PPP2R3A: variants seen among roughly 807,000 people sequenced by gnomAD.
The protein encoded by PPP2R3A is protein phosphatase 2 regulatory subunit B''alpha, also known as serine/threonine-protein phosphatase 2A regulatory subunit B'' subunit alpha.
A neutral mutation model predicts 106.9 loss-of-function variants in PPP2R3A; 80 were observed. The observed-to-expected ratio is 0.75, with a 90% CI of 0.62 to 0.90. PPP2R3A has a LOEUF of 0.90. Among genes scored for constraint, PPP2R3A ranks in the 40% least tolerant of loss-of-function variants. The pLI, the probability that PPP2R3A is intolerant of heterozygous loss-of-function variation, is 0.00. For missense variants in PPP2R3A, 1,386 were observed against 1,350.4 expected, an observed-to-expected ratio of 1.03 and a Z score of -0.41; for synonymous variants, 483 against 468.3, an observed-to-expected ratio of 1.03 and a Z score of -0.41.
At chr3:136,100,768 C>G (rs1043835610) in intron 10 of PPP2R3A, among the ~76,000 whole-genome samples, 2 of 152,014 alleles carry the variant, frequency 1.3e-5, no homozygotes, top group African/African-American at 4.8e-5. Flanking sequence ...GAGTTCAAGG[C>G]TGCAGTGAGC....
chr3:136,108,566 T>TAAAAGAA (rs919562528), intron 13 of PPP2R3A, among the ~76,000 whole-genome samples: 3 of 151,920 alleles, frequency 2.0e-5, no homozygotes, highest in Non-Finnish European at 4.4e-5. Flanking sequence ...TTTTTTGAAA[T>TAAAAGAA]AAAAGAAAAC....
chr3:136,048,094 C>T (rs1194358208), intron 4 of PPP2R3A, among the ~76,000 whole-genome samples: 3 of 151,568 alleles, frequency 2.0e-5, no homozygotes, highest in Admixed American at 6.6e-5. Flanking sequence ...ACCCCTGTAC[C>T]TATAATAAAA....
At chr3:136,087,771 A>C in intron 8 of PPP2R3A, 112 bp from the exon 9 acceptor site, 2 of 661,894 alleles carry the variant, frequency 3.0e-6, no homozygotes, top group South Asian at 4.1e-5. Flanking sequence ...CTCATCATGG[A>C]CGATGGTTAC....
Position 136,106,304 on chromosome 3 carries a change from A to C in PPP2R3A, c.3311A>C (p.Gln1104Pro). ...YETLVAEESAQAQFQEGFEDY... is the reference protein window; with the variant it reads ...YETLVAEESAPAQFQEGFEDY... ...ACGCTTGTTGCAGAGGAATCTGCCC[A>C]AGCACAATTCCAGGAAGGGTGAGTA... The change falls in exon 13 of 14, where the codon CAA (glutamine) becomes CCA (proline). Residue 1104 changes from glutamine (Q) to proline (P), a missense_variant. Gln to Pro is a moderately conservative substitution (Grantham distance 76). Coordinates refer to ENST00000264977, the MANE Select transcript of PPP2R3A (RefSeq NM_002718.5). 2 of 1,614,038 alleles carry C rather than the reference A, an allele frequency of 1.2e-6. No individual in the cohort carries two copies. The highest frequency in any genetic ancestry group is 1.7e-6 in the Non-Finnish European group (2 of 1,179,936).
intron 13 of PPP2R3A, among the ~76,000 whole-genome samples, chr3:136,107,629 ATAT>A (rs1937539789): frequency 6.6e-6 from 1 of 152,010 alleles, no homozygotes; most frequent in Non-Finnish European, 1.5e-5. Context: ...CATTCATTAA[ATAT>A]TATCTTTTTT....
chr3:136,101,876 A>G, intron 10 of PPP2R3A, 131 bp from the exon 11 acceptor site: 2 of 1,020,808 alleles, frequency 2.0e-6, no homozygotes, highest in Non-Finnish European at 2.7e-6. Flanking sequence ...TTCTCTAACA[A>G]ACTTTGTAAA....
intron 10 of PPP2R3A, among the ~76,000 whole-genome samples, chr3:136,092,916 A>G (rs1176844369): frequency 6.6e-6 from 1 of 152,160 alleles, no homozygotes; most frequent in Non-Finnish European, 1.5e-5. Context: ...TACCAACCTT[A>G]CCTTTGGACC....
chr3:135,996,765 C>G (rs1248531608), intron 1 of PPP2R3A, among the ~76,000 whole-genome samples: 1 of 152,178 alleles, frequency 6.6e-6, no homozygotes, highest in Non-Finnish European at 1.5e-5. Flanking sequence ...TTTGCCTGTT[C>G]CTAATCAGAT....
intron 5 of PPP2R3A, among the ~76,000 whole-genome samples, chr3:136,065,946 A>G (rs992262249): frequency 8.5e-5 from 13 of 152,214 alleles, no homozygotes; most frequent in African/African-American, 3.1e-4. Flanking sequence ...AAGTGCTGGA[A>G]TTGCAGGTGA....
chr3:136,050,726 G>T (rs545247203), intron 5 of PPP2R3A, among the ~76,000 whole-genome samples: 1 of 152,076 alleles, frequency 6.6e-6, no homozygotes, highest in African/African-American at 2.4e-5. Flanking sequence ...GACACTAAGA[G>T]GTCTTCTACT....
In PPP2R3A at chr3:136,115,822, T is replaced by G. The variant is rs920778302; in HGVS notation, c.3329+9500T>G. ...ATGGAACCAAGTTGGAAAACACTCT[T>G]CAGGATATTATCCAGGAGAACTTTC... On this transcript the variant is annotated intron_variant, in intron 13 of 13. Transcript: ENST00000264977. Among the ~76,000 whole-genome samples the G allele has an allele frequency of 2.6e-5, 4 of 152,078 alleles. No individual in the cohort carries two copies. In the East Asian group the frequency reaches 5.8e-4, roughly 22 times the overall value.
At chr3:136,088,017 T>C in intron 9 of PPP2R3A, 86 bp downstream of exon 9, 9 of 1,186,458 alleles carry the variant, frequency 7.6e-6, no homozygotes, top group Admixed American at 3.8e-5. Context: ...CCTGAATAAT[T>C]TGGCAGTGCT....
chr3:136,110,357 C>G (rs1234614644), intron 13 of PPP2R3A, among the ~76,000 whole-genome samples: 1 of 151,932 alleles, frequency 6.6e-6, no homozygotes. Context: ...TATCACACTC[C>G]TAAACCAACA....
intron 7 of PPP2R3A, chr3:136,079,244 T>C: frequency 2.2e-6 from 1 of 446,806 alleles, no homozygotes; most frequent in Non-Finnish European, 4.5e-6. Flanking sequence ...TCAGTGTTGA[T>C]ATTTATTGAA....
Position 136,092,331 on chromosome 3 carries a change from C to A in PPP2R3A, c.2927+1664C>A, listed in dbSNP as rs113665580. Among the ~76,000 whole-genome samples the A allele has an allele frequency of 7.4e-3, 1,128 of 151,738 alleles. 21 individuals carry two copies. The highest frequency in any genetic ancestry group is 0.025 in the African/African-American group (1,021 of 41,374). On this transcript the variant is annotated intron_variant, in intron 10 of 13. Transcript: ENST00000264977. ...GGTGACAAGAGCAAAACTCCATCACCAAAAAAATATATATATTAAAGATCT... is the reference window on the plus strand; with the variant it reads ...GGTGACAAGAGCAAAACTCCATCACAAAAAAAATATATATATTAAAGATCT...
rs1576466982 is a variant in PPP2R3A at position 136,055,607 on chromosome 3, C to T, written c.2469+6246C>T. The T allele has an allele frequency of 1.4e-5, 20 of 1,394,858 alleles. No individual in the cohort carries two copies. The South Asian group carries it at 2.2e-4, about 15-fold the overall frequency. The allele number at this position is 1,394,858 out of a possible 1,614,324, so 86.4% of individuals were successfully genotyped here. On this transcript the variant is annotated intron_variant, in intron 5 of 13. Coordinates refer to ENST00000264977, the MANE Select transcript of PPP2R3A (RefSeq NM_002718.5). ...GCAGTACTGTATCCACACGAGCCAA[C>T]TGCTGTATTTAACACCTGCCTGCCA...
intron 1 of PPP2R3A, among the ~76,000 whole-genome samples, chr3:135,968,088 C>CTTAGG (rs1003986306): frequency 2.0e-5 from 3 of 152,120 alleles, no homozygotes; most frequent in Non-Finnish European, 4.4e-5. Flanking sequence ...TCCTCATTTG[C>CTTAGG]TTAGGTGTTT....
intron 1 of PPP2R3A, among the ~76,000 whole-genome samples, chr3:135,999,685 GTTCTT>G (rs1462468994): frequency 1.3e-5 from 2 of 151,996 alleles, no homozygotes; most frequent in Non-Finnish European, 2.9e-5. Flanking sequence ...TTTGTGATTC[GTTCTT>G]TTAAGTCTTG....
In PPP2R3A at chr3:136,147,559, T is replaced by C. The variant is rs888948228; in HGVS notation, c.*2393T>C. 2 of 152,644 alleles carry C rather than the reference T, an allele frequency of 1.3e-5. No individual in the cohort carries two copies. Among genetic ancestry groups the C allele is most frequent in the Non-Finnish European group, 2.9e-5 (2 of 68,046 alleles). 9.5% of individuals were successfully genotyped at this position (152,644 alleles called of 1,614,324 possible). ...AATATATTTGACTTTCTGGTAAAGA[T>C]CATGGTTAAGTATAATCATTACTGC... On this transcript the variant is annotated 3_prime_UTR_variant, in exon 14 of 14. Transcript: ENST00000264977.
Sources: allele counts gnomAD v4.1 joint callset (sites outside exome capture counted in the v4.1 genomes callset), GRCh38; gene constraint gnomAD v4.1.1; transcripts MANE v1.5; gene names NCBI Gene and HGNC (gene_info 2026-07-23, HGNC 2026-07-21).